Variants in MAF observed in about 807,000 individuals in gnomAD.
MAF encodes MAF bZIP transcription factor, also known as transcription factor Maf.
MAF carries 10 observed loss-of-function variants against 22.0 expected under a neutral mutation model. The observed-to-expected ratio is 0.45, with a 90% CI of 0.28 to 0.77. The LOEUF is 0.77. Ranked by LOEUF, MAF falls within the 30% of genes least tolerant of loss-of-function variation. MAF has a pLI of 0.12. For missense variants in MAF, 544 were observed against 548.4 expected, an observed-to-expected ratio of 0.99 and a Z score of 0.08; for synonymous variants, 337 against 255.8, an observed-to-expected ratio of 1.32 and a Z score of -3.03.
the MAF span, among the ~76,000 whole-genome samples, chr16:79,359,437 A>G: frequency 7.9e-5 from 12 of 152,214 alleles, no homozygotes; most frequent in Non-Finnish European, 1.2e-4. Flanking sequence ...TCTAGAAGAT[A>G]AGATAGTCTA....
the MAF span, among the ~76,000 whole-genome samples, chr16:79,329,519 T>C: frequency 1.3e-5 from 2 of 151,950 alleles, no homozygotes; most frequent in Non-Finnish European, 2.9e-5. Flanking sequence ...CTTTCCAAAA[T>C]CTCCGTCTAG....
chr16:79,233,031 T>G, the MAF span, among the ~76,000 whole-genome samples: 11,058 of 151,550 alleles, frequency 0.073, 580 homozygotes, highest in Middle Eastern at 0.15. Context: ...TAGTAGAGAC[T>G]GGGTGTCACC....
At chr16:79,563,760 CACAA>C in the MAF span, among the ~76,000 whole-genome samples, 36 of 129,522 alleles carry the variant, frequency 2.8e-4, no homozygotes, top group African/African-American at 9.0e-4. Context: ...CACACACACA[CACAA>C]ACACACACAC....
At chr16:79,332,659 T>G in the MAF span, among the ~76,000 whole-genome samples, 2 of 152,234 alleles carry the variant, frequency 1.3e-5, no homozygotes, top group Non-Finnish European at 2.9e-5. Flanking sequence ...ACAATGTGTA[T>G]TTTATAGCAG....
the MAF span, among the ~76,000 whole-genome samples, chr16:79,478,147 T>A: frequency 6.6e-6 from 1 of 152,194 alleles, no homozygotes; most frequent in East Asian, 1.9e-4. Context: ...GAAACTCAAA[T>A]GTCAAACTTT....
At chr16:79,363,701 G>A in the MAF span, among the ~76,000 whole-genome samples, 3 of 152,250 alleles carry the variant, frequency 2.0e-5, no homozygotes, top group African/African-American at 2.4e-5. Flanking sequence ...AAGCATAAAG[G>A]AAGAAATGGT....
At chr16:79,372,066 A>ATT in the MAF span, among the ~76,000 whole-genome samples, 1,321 of 132,392 alleles carry the variant, frequency 1.0e-2, 13 homozygotes, top group African/African-American at 0.021. Flanking sequence ...AGGGAGAGGA[A>ATT]TTTTTTTTTT....
the MAF span, among the ~76,000 whole-genome samples, chr16:79,375,952 G>C: frequency 1.3e-5 from 2 of 152,134 alleles, no homozygotes; most frequent in African/African-American, 2.4e-5. Context: ...TGGGTGAGGA[G>C]AAATGCGGGT....
At chr16:79,498,317 A>T in the MAF span, among the ~76,000 whole-genome samples, 42 of 152,332 alleles carry the variant, frequency 2.8e-4, no homozygotes, top group African/African-American at 9.9e-4. Context: ...ACAATGTGCC[A>T]ATGAGTGGGT....
At chr16:79,537,187 A>T in the MAF span, among the ~76,000 whole-genome samples, 1 of 152,202 alleles carries the variant, frequency 6.6e-6, no homozygotes, top group Admixed American at 6.5e-5. Flanking sequence ...TTCTCAGTTC[A>T]TATCTGCTTT....
the MAF span, among the ~76,000 whole-genome samples, chr16:79,388,343 A>T: frequency 1.6e-4 from 25 of 152,304 alleles, no homozygotes; most frequent in African/African-American, 5.8e-4. Context: ...AATCATATAC[A>T]TGTTTACAAA....
At chr16:79,500,629 T>G in the MAF span, among the ~76,000 whole-genome samples, 1 of 152,062 alleles carries the variant, frequency 6.6e-6, no homozygotes, top group Non-Finnish European at 1.5e-5. Flanking sequence ...GTACACAAAG[T>G]TCTGTTCATC....
intron 1 of MAF, chr16:79,594,817 G>GTAAA: frequency 7.9e-7 from 1 of 1,260,560 alleles, no homozygotes; most frequent in East Asian, 3.4e-5. Flanking sequence ...TTCTCTTACA[G>GTAAA]CCAGCCACTC....
the MAF span, among the ~76,000 whole-genome samples, chr16:79,532,470 A>G: frequency 6.6e-6 from 1 of 152,356 alleles, no homozygotes; most frequent in African/African-American, 2.4e-5. Context: ...CTCAGCTCCA[A>G]TCATTCAATC....
the MAF span, among the ~76,000 whole-genome samples, chr16:79,209,421 C>T: frequency 6.6e-6 from 1 of 152,174 alleles, no homozygotes; most frequent in Non-Finnish European, 1.5e-5. Context: ...CCCAAACGGA[C>T]TGCTTTGGTC....
At chr16:79,312,946 C>T in the MAF span, among the ~76,000 whole-genome samples, 11 of 152,034 alleles carry the variant, frequency 7.2e-5, no homozygotes, top group Non-Finnish European at 4.4e-5. Flanking sequence ...CATCATCGGC[C>T]CAGTTTAGGA....
the MAF span, among the ~76,000 whole-genome samples, chr16:79,221,268 G>A: frequency 6.6e-6 from 1 of 152,160 alleles, no homozygotes; most frequent in African/African-American, 2.4e-5. Flanking sequence ...TTGGCTTTGT[G>A]CTCTTCTTAT....
the MAF span, among the ~76,000 whole-genome samples, chr16:79,551,425 A>G: frequency 6.6e-6 from 1 of 152,190 alleles, no homozygotes; most frequent in African/African-American, 2.4e-5. Flanking sequence ...TTATGGAAGC[A>G]ATACAGGCAT....
At chr16:79,598,049 TAA>T (rs34724349) in intron 1 of MAF, 2 of 882,684 alleles carry the variant, frequency 2.3e-6, no homozygotes, top group Non-Finnish European at 1.4e-6. Context: ...ATAACAATGC[TAA>T]AAAAAAAACC....
Sources: allele counts gnomAD v4.1 joint callset (sites outside exome capture counted in the v4.1 genomes callset), GRCh38; gene constraint gnomAD v4.1.1; transcripts MANE v1.5; gene names NCBI Gene and HGNC (gene_info 2026-07-23, HGNC 2026-07-21).